RASEF: variants seen among roughly 807,000 people sequenced by gnomAD.
RASEF encodes the protein ras and EF-hand domain-containing protein.
Under a neutral mutation model 90.1 loss-of-function variants are expected in RASEF, and 68 were observed. The observed-to-expected ratio is 0.75, with a 90% CI of 0.62 to 0.92. RASEF has a LOEUF of 0.92. Ranked by LOEUF, RASEF falls within the 40% of genes least tolerant of loss-of-function variation. The probability of loss-of-function intolerance (pLI) is 0.00; values close to 1 mark genes in which losing one functional copy is unlikely to be tolerated. For missense variants in RASEF, 949 were observed against 937.2 expected (o/e 1.01, Z -0.16); for synonymous variants, 331 against 345.2 (o/e 0.96, Z 0.46).
Position 83,016,670 on chromosome 9 carries a change from T to G in RASEF, c.670-770A>C, listed in dbSNP as rs1179627453. ...TAATAAAACTGATGTTCTCAGGCAT[T>G]CTAGCAGAGAAGACAGAAAAAGGCA... On this transcript the variant is annotated intron_variant, in intron 3 of 16. Transcript: ENST00000376447. Among the ~76,000 whole-genome samples the G allele has an allele frequency of 2.6e-5, 4 of 151,990 alleles. No individual in the cohort carries two copies. In the South Asian group the frequency reaches 8.3e-4, roughly 32 times the overall value.
intron 4 of RASEF, among the ~76,000 whole-genome samples, chr9:83,013,638 A>G (rs1254483028): frequency 6.6e-6 from 1 of 152,230 alleles, no homozygotes; most frequent in Non-Finnish European, 1.5e-5. Context: ...GTCTGGAATA[A>G]GTGAGAAAGC....
At chr9:83,028,801 A>T (rs1587506825) in intron 1 of RASEF, among the ~76,000 whole-genome samples, 1 of 152,308 alleles carries the variant, frequency 6.6e-6, no homozygotes, top group East Asian at 1.9e-4. Flanking sequence ...TCAGAATGTG[A>T]CTATATTTGG....
the RASEF span, among the ~76,000 whole-genome samples, chr9:83,144,955 CA>C: frequency 6.6e-6 from 1 of 152,114 alleles, no homozygotes; most frequent in Non-Finnish European, 1.5e-5. Flanking sequence ...GATTTTTACA[CA>C]AAATATTAAT....
At chr9:83,032,018 C>G (rs1217985682) in intron 1 of RASEF, among the ~76,000 whole-genome samples, 1 of 152,128 alleles carries the variant, frequency 6.6e-6, no homozygotes, top group African/African-American at 2.4e-5. Flanking sequence ...AATACTTCAT[C>G]ATAGCAAAAG....
At chr9:83,014,459 T>C (rs1211126868) in intron 4 of RASEF, among the ~76,000 whole-genome samples, 2 of 152,226 alleles carry the variant, frequency 1.3e-5, no homozygotes, top group African/African-American at 4.8e-5. Context: ...TGCTACCACA[T>C]GCAGTTAATT....
chr9:83,121,926 A>G, the RASEF span, among the ~76,000 whole-genome samples: 2 of 152,234 alleles, frequency 1.3e-5, no homozygotes, highest in South Asian at 2.1e-4. Flanking sequence ...ACTGTGCCCA[A>G]GTTTTCTCAT....
chr9:83,160,561 A>C, the RASEF span, among the ~76,000 whole-genome samples: 1 of 152,216 alleles, frequency 6.6e-6, no homozygotes, highest in Non-Finnish European at 1.5e-5. Context: ...GCAGAACGTA[A>C]AAGTTTGGAA....
In RASEF at chr9:83,012,444, T is replaced by A; in HGVS notation, c.833A>T (p.Asp278Val). 1.9e-6 allele frequency: 3 copies of A among 1,561,500 alleles called. No homozygotes were observed. Among genetic ancestry groups the A allele is most frequent in the Non-Finnish European group, 2.6e-6 (3 of 1,144,792 alleles). The part of the protein sequence containing the change: ...DVAALKKQIY[D>V]LSMENQKVKK... ...AAAGGTAATTCTTACCATTGATAAA[T>A]CATAAATTTGTTTTTTCAATGCAGC... The change falls in exon 5 of 17, where the codon GAT becomes GTT. Residue 278 changes from aspartate to valine, a missense_variant. Coordinates refer to ENST00000376447, the MANE Select transcript of RASEF (RefSeq NM_152573.4).
At chr9:83,203,725 TTAAG>T in the RASEF span, among the ~76,000 whole-genome samples, 5 of 152,052 alleles carry the variant, frequency 3.3e-5, no homozygotes, top group African/African-American at 1.2e-4. Flanking sequence ...TGAGTATCAC[TTAAG>T]TAAGTGAGGA....
At chr9:82,990,285 A>G in intron 16 of RASEF, 106 bp downstream of exon 16, 1 of 738,054 alleles carries the variant, frequency 1.4e-6, no homozygotes, top group Non-Finnish European at 2.3e-6. Flanking sequence ...ACTGACAGAT[A>G]AGAGAGTGTT....
At chr9:83,186,029 CTGAGT>C in the RASEF span, among the ~76,000 whole-genome samples, 4 of 152,190 alleles carry the variant, frequency 2.6e-5, no homozygotes, top group African/African-American at 9.7e-5. Context: ...TCCCTTTCAA[CTGAGT>C]TGAGTGTGAA....
At chr9:83,022,246 C>T in intron 3 of RASEF, 90 bp downstream of exon 3, 2 of 951,564 alleles carry the variant, frequency 2.1e-6, no homozygotes, top group Non-Finnish European at 3.4e-6. Flanking sequence ...TGCTGTACCC[C>T]TGCATGACAC....
At chr9:83,164,293 G>A in the RASEF span, among the ~76,000 whole-genome samples, 8 of 145,518 alleles carry the variant, frequency 5.5e-5, no homozygotes, top group African/African-American at 1.7e-4. Context: ...ATAATAGTCC[G>A]TTCAAAAAAA....
At chr9:82,996,529 T>G (rs977459175) in intron 14 of RASEF, among the ~76,000 whole-genome samples, 1 of 152,120 alleles carries the variant, frequency 6.6e-6, no homozygotes, top group Non-Finnish European at 1.5e-5. Context: ...CATCTAAAGA[T>G]CCCAAATCAC....
chr9:83,166,539 C>A, the RASEF span, among the ~76,000 whole-genome samples: 1 of 152,150 alleles, frequency 6.6e-6, no homozygotes, highest in Non-Finnish European at 1.5e-5. Context: ...CTCACTCCCA[C>A]GCTGACGTAG....
chr9:83,168,488 G>A, the RASEF span, among the ~76,000 whole-genome samples: 8 of 151,666 alleles, frequency 5.3e-5, no homozygotes, highest in Non-Finnish European at 1.0e-4. Flanking sequence ...TTTATCATTC[G>A]GCACAGCAAA....
chr9:83,096,016 C>A, the RASEF span, among the ~76,000 whole-genome samples: 1 of 152,112 alleles, frequency 6.6e-6, no homozygotes, highest in Non-Finnish European at 1.5e-5. Flanking sequence ...ATTGAGATAC[C>A]TAGAGTGTAA....
chr9:83,010,766 G>A (rs1191692787), intron 5 of RASEF, among the ~76,000 whole-genome samples: 1 of 152,076 alleles, frequency 6.6e-6, no homozygotes, highest in East Asian at 1.9e-4. Context: ...ACCGGTAACT[G>A]GGGTCCCCTG....
chr9:83,033,596 G>A (rs745534961), intron 1 of RASEF, among the ~76,000 whole-genome samples: 58 of 152,338 alleles, frequency 3.8e-4, no homozygotes, highest in South Asian at 1.5e-3. Flanking sequence ...GGGATGTCCC[G>A]AAAGGATGGG....
Sources: allele counts gnomAD v4.1 joint callset (sites outside exome capture counted in the v4.1 genomes callset), GRCh38; gene constraint gnomAD v4.1.1; transcripts MANE v1.5; gene names NCBI Gene and HGNC (gene_info 2026-07-23, HGNC 2026-07-21).